The following CACNG3 variants were observed in gnomAD, a reference collection of about 807,000 sequenced individuals.
CACNG3 encodes the protein voltage-dependent calcium channel gamma-3 subunit.
In CACNG3, 3 loss-of-function variants were observed where a neutral mutation model predicts 28.5. The observed-to-expected ratio is 0.11, with a 90% confidence interval of 0.05 to 0.27. The LOEUF (loss-of-function observed/expected upper bound fraction) is 0.27. Among genes scored for constraint, CACNG3 ranks in the 10% least tolerant of loss-of-function variants. CACNG3 has a pLI of 1.00. For synonymous variants in CACNG3, 174 were observed against 162.2 expected, an observed-to-expected ratio of 1.07 and a Z score of -0.55; for missense variants, 236 against 414.4, an observed-to-expected ratio of 0.57 and a Z score of 3.74.
intron 1 of CACNG3, among the ~76,000 whole-genome samples, chr16:24,268,579 A>G (rs1375428091): frequency 6.6e-6 from 1 of 152,260 alleles, no homozygotes. Flanking sequence ...AGGAAAATAA[A>G]TGGTAAAGCC....
intron 1 of CACNG3, among the ~76,000 whole-genome samples, chr16:24,275,799 A>G (rs540315954): frequency 6.6e-6 from 1 of 152,360 alleles, no homozygotes; most frequent in South Asian, 2.1e-4. Context: ...AATGTGCCAA[A>G]TTTAGAAGAC....
intron 1 of CACNG3, among the ~76,000 whole-genome samples, chr16:24,312,931 G>GAAAT (rs1899286591): frequency 1.2e-5 from 1 of 86,480 alleles, no homozygotes; most frequent in Non-Finnish European, 2.5e-5. Context: ...AAGAAAGAAA[G>GAAAT]AAAGAAAGAA....
intron 3 of CACNG3, among the ~76,000 whole-genome samples, chr16:24,360,072 G>A (rs1900085469): frequency 6.6e-6 from 1 of 152,056 alleles, no homozygotes; most frequent in Non-Finnish European, 1.5e-5. Flanking sequence ...GGAGGCTCCT[G>A]GAAATGGTTA....
intron 3 of CACNG3, among the ~76,000 whole-genome samples, chr16:24,358,353 T>C (rs1299251543): frequency 6.6e-6 from 1 of 152,356 alleles, no homozygotes; most frequent in East Asian, 1.9e-4. Flanking sequence ...CTTCCATTTA[T>C]TTCTCCATCT....
intron 1 of CACNG3, among the ~76,000 whole-genome samples, chr16:24,341,148 T>C (rs1232833480): frequency 6.6e-6 from 1 of 152,248 alleles, no homozygotes; most frequent in Non-Finnish European, 1.5e-5. Context: ...CCCAGTTTTG[T>C]AAAGCCATTT....
At chr16:24,321,276 G>A (rs893558790) in intron 1 of CACNG3, among the ~76,000 whole-genome samples, 1 of 151,892 alleles carries the variant, frequency 6.6e-6, no homozygotes, top group African/African-American at 2.4e-5. Context: ...GTGAAACCCT[G>A]TCTCTACTAA....
At chr16:24,267,625 C>T (rs1401699066) in intron 1 of CACNG3, among the ~76,000 whole-genome samples, 1 of 151,794 alleles carries the variant, frequency 6.6e-6, no homozygotes, top group Non-Finnish European at 1.5e-5. Flanking sequence ...TTAACAAACA[C>T]CTTCTATGTG....
chr16:24,342,529 C>T (rs927448096), intron 1 of CACNG3, among the ~76,000 whole-genome samples: 2 of 152,046 alleles, frequency 1.3e-5, no homozygotes, highest in African/African-American at 4.8e-5. Flanking sequence ...ATCTTTAAAC[C>T]GGGGACCAGC....
At chr16:24,357,552 G>C (rs1395147177) in intron 3 of CACNG3, among the ~76,000 whole-genome samples, 1 of 152,214 alleles carries the variant, frequency 6.6e-6, no homozygotes, top group Non-Finnish European at 1.5e-5. Flanking sequence ...GAGAAAGGGA[G>C]ACTATCTAAA....
At chr16:24,281,660 G>A (rs773842514) in intron 1 of CACNG3, among the ~76,000 whole-genome samples, 1 of 152,158 alleles carries the variant, frequency 6.6e-6, no homozygotes, top group Non-Finnish European at 1.5e-5. Context: ...ATTGGCTTAG[G>A]CCTGAGTCAC....
chr16:24,339,503 G>T (rs199777166), intron 1 of CACNG3, among the ~76,000 whole-genome samples: 2 of 151,344 alleles, frequency 1.3e-5, no homozygotes, highest in Non-Finnish European at 2.9e-5. Flanking sequence ...CTCCTGCTTC[G>T]GCACCCTGAG....
At chr16:24,336,396 C>T (rs1899709890) in intron 1 of CACNG3, among the ~76,000 whole-genome samples, 1 of 151,046 alleles carries the variant, frequency 6.6e-6, no homozygotes, top group African/African-American at 2.4e-5. Context: ...CTCAGCCTCC[C>T]GAGTAGCAGG....
chr16:24,316,188 G>A (rs1429535919), intron 1 of CACNG3, among the ~76,000 whole-genome samples: 1 of 137,054 alleles, frequency 7.3e-6, no homozygotes, highest in Non-Finnish European at 1.7e-5. Context: ...TCCCTGCTTT[G>A]GGGGACTCTC....
intron 1 of CACNG3, among the ~76,000 whole-genome samples, chr16:24,278,453 T>C (rs1240167886): frequency 3.3e-5 from 5 of 151,990 alleles, no homozygotes; most frequent in African/African-American, 1.2e-4. Flanking sequence ...CCATCTCTAC[T>C]GAAAATACAA....
chr16:24,306,052 G>A (rs145137653), intron 1 of CACNG3, among the ~76,000 whole-genome samples: 194 of 152,204 alleles, frequency 1.3e-3, no homozygotes, highest in African/African-American at 4.4e-3. Context: ...CAATTGACAG[G>A]CACTTTTACC....
At chr16:24,334,928 G>A (rs1899681417) in intron 1 of CACNG3, among the ~76,000 whole-genome samples, 1 of 152,120 alleles carries the variant, frequency 6.6e-6, no homozygotes, top group South Asian at 2.1e-4. Flanking sequence ...GGATGAAGAA[G>A]GCCATACCCT....
chr16:24,261,887 AT>A (rs1898541393), intron 1 of CACNG3, among the ~76,000 whole-genome samples: 1 of 152,110 alleles, frequency 6.6e-6, no homozygotes, highest in African/African-American at 2.4e-5. Context: ...TTTCAGCTTT[AT>A]TTATGTTGTC....
chr16:24,320,886 T>C (rs920661839), intron 1 of CACNG3, among the ~76,000 whole-genome samples: 4 of 151,716 alleles, frequency 2.6e-5, no homozygotes, highest in African/African-American at 9.7e-5. Context: ...TGCAACACTA[T>C]GCCTAATAAT....
intron 1 of CACNG3, among the ~76,000 whole-genome samples, chr16:24,300,392 A>G (rs1052156620): frequency 8.5e-5 from 13 of 152,074 alleles, no homozygotes; most frequent in Admixed American, 3.3e-4. Flanking sequence ...TGGAAATTGC[A>G]TGGTCTGTTA....
Sources: gnomAD v4.1 joint callset for allele counts (sites outside exome capture counted in the v4.1 genomes callset) on GRCh38, gnomAD v4.1.1 for gene constraint, MANE v1.5 for transcripts, NCBI Gene and HGNC (gene_info 2026-07-23, HGNC 2026-07-21) for gene names.